Variants in TMPRSS13 observed in about 807,000 individuals in gnomAD.
The protein encoded by TMPRSS13 is transmembrane serine protease 13.
Under a neutral mutation model 68.4 loss-of-function variants are expected in TMPRSS13, and 50 were observed. The ratio of observed to expected loss-of-function variants is 0.73; its 90% CI spans 0.58 to 0.93. TMPRSS13 has a LOEUF of 0.93. Ranked by LOEUF, TMPRSS13 falls within the 40% of genes least tolerant of loss-of-function variation. The probability of loss-of-function intolerance (pLI) is 0.00; values close to 1 mark genes in which losing one functional copy is unlikely to be tolerated. For synonymous variants in TMPRSS13, 267 were observed against 285.8 expected, an observed-to-expected ratio of 0.93 and a Z score of 0.66; for missense variants, 615 against 729.2, an observed-to-expected ratio of 0.84 and a Z score of 1.80.
rs1405901953 is a variant in TMPRSS13 at position 117,909,909 on chromosome 11, T to C, written c.1006A>G (p.Lys336Glu). The C allele has an allele frequency of 1.2e-6, 2 of 1,614,196 alleles. No individual in the cohort carries two copies. The highest frequency in any genetic ancestry group is 1.7e-6 in the Non-Finnish European group (2 of 1,180,036). Reference protein sequence around the residue: ...IVGGALASDSKWPWQVSLHFG... With the variant: ...IVGGALASDSEWPWQVSLHFG... Reference sequence around the variant, plus strand: ...TGCAGACTCACTTGCCAAGGCCACTTGCTATCCGAGGCCAGCGCCCCTCCC... The same window carrying C: ...TGCAGACTCACTTGCCAAGGCCACTCGCTATCCGAGGCCAGCGCCCCTCCC... Residue 336 changes from lysine (K) to glutamate (E), a missense_variant, in exon 8 of 13, where the codon AAG becomes GAG. Transcript: ENST00000524993.
Position 117,909,850 on chromosome 11 carries a change from G to C in TMPRSS13, c.1065C>G (p.Leu355=), listed in dbSNP as rs377490191. The part of the protein sequence containing the change: ...FGTTHICGGT[L]IDAQWVLTAA... ...CAGTGAGCACCCACTGGGCGTCAAT[G>C]AGCGTGCCTCCACAGATGTGGGTGG... Residue 355 remains leucine (L), a synonymous_variant, in exon 8 of 13, where the codon CTC becomes CTG. Transcript: ENST00000524993. 2.5e-6 allele frequency: 4 copies of C among 1,613,554 alleles called. No homozygotes were observed. Among genetic ancestry groups the C allele is most frequent in the Admixed American group, 3.3e-5 (2 of 60,006 alleles).
Position 117,908,616 on chromosome 11 carries a change from C to A in TMPRSS13, c.1278G>T (p.Leu426=). The A allele has an allele frequency of 1.3e-6, 2 of 1,561,312 alleles. No homozygotes were observed. Among genetic ancestry groups the A allele is most frequent in the Non-Finnish European group, 1.7e-6 (2 of 1,152,926 alleles). The change falls in exon 9 of 13, where the codon CTG becomes CTT. Residue 426 remains leucine (L), a synonymous_variant. Coordinates refer to ENST00000524993, the MANE Select transcript of TMPRSS13 (RefSeq NM_001077263.3). ...GGGGAGTGCAGATTCCCTCACCGGA[C>A]AGGGTCAGGGGCTTGGACAGCCGCA... ...ALMRLSKPLT[L]SAHIHPACLP...
intron 1 of TMPRSS13, 74 bp downstream of exon 1, chr11:117,929,213 C>CA: frequency 7.4e-7 from 1 of 1,352,274 alleles, no homozygotes; most frequent in African/African-American, 1.5e-5. Flanking sequence ...GTAGCTGTCC[C>CA]ACCTGTCTCC....
chr11:117,927,903 T>C (rs570559272), intron 1 of TMPRSS13, among the ~76,000 whole-genome samples: 1 of 152,372 alleles, frequency 6.6e-6, no homozygotes, highest in South Asian at 2.1e-4. Context: ...CATAGATTAA[T>C]TGGGAGTTCC....
Position 117,908,578 on chromosome 11 carries a change from G to T in TMPRSS13, c.1282+34C>A, listed in dbSNP as rs1303977773. 1.9e-6 allele frequency: 3 copies of T among 1,546,692 alleles called. No individual in the cohort carries two copies. The South Asian group carries it at 3.6e-5, about 18-fold the overall frequency. On this transcript the variant is annotated intron_variant, in intron 9 of 12. Coordinates refer to ENST00000524993, the MANE Select transcript of TMPRSS13 (RefSeq NM_001077263.3). ...GGGCTGCAGAGGGTGCTGGGGCTGG[G>T]GGGCAGGAGAGCGGGGAGTGCAGAT...
chr11:117,923,173 C>T (rs943910901), intron 1 of TMPRSS13, among the ~76,000 whole-genome samples: 1 of 152,174 alleles, frequency 6.6e-6, no homozygotes, highest in African/African-American at 2.4e-5. Flanking sequence ...TGTGCTTTGC[C>T]CAAAGTTGTT....
rs1393850927 is a variant in TMPRSS13, at chr11:117,911,831, C to A, written c.839G>T (p.Arg280Met). The A allele has an allele frequency of 6.2e-7, 1 of 1,614,006 alleles. No individual in the cohort carries two copies. Reference sequence around the variant, plus strand: ...GATTGAGAAGCTGTTGGCAAAATCCCTGTGGGCAACCTCGGTTGTCCGGTG... The same window carrying A: ...GATTGAGAAGCTGTTGGCAAAATCCATGTGGGCAACCTCGGTTGTCCGGTG... ...SAHRTTEVAH[R>M]DFANSFSILR... is the part of the protein sequence containing the mutation. The change falls in exon 6 of 13, where the codon AGG (arginine) becomes ATG (methionine). Residue 280 changes from arginine (R) to methionine (M), a missense_variant. Physicochemically the swap from Arg to Met is moderately conservative, Grantham distance 91. Coordinates refer to ENST00000524993, the MANE Select transcript of TMPRSS13 (RefSeq NM_001077263.3).
At position 117,913,841 on chromosome 11, in the gene TMPRSS13, T is replaced by C; in HGVS notation, c.745A>G (p.Ile249Val). Residue 249 changes from isoleucine (I) to valine (V), a missense_variant, in exon 5 of 13, where the codon ATC (isoleucine) becomes GTC (valine). Coordinates refer to ENST00000524993, the MANE Select transcript of TMPRSS13 (RefSeq NM_001077263.3). ...YSGSSHQWLP[I>V]CSSNWNDSYS... ...GAGTCATTCCAGTTGCTGCTACAGA[T>C]GGGAAGCCACTGATGGGAGGACCCA... 1 of 1,614,078 alleles carries C rather than the reference T, an allele frequency of 6.2e-7. No homozygotes were observed. The highest frequency in any genetic ancestry group is 2.2e-5 in the East Asian group (1 of 44,884).
At chr11:117,910,648 C>G (rs1481573670) in intron 7 of TMPRSS13, 59 bp downstream of exon 7, 4 of 1,526,848 alleles carry the variant, frequency 2.6e-6, no homozygotes, top group Non-Finnish European at 3.6e-6. Context: ...GGAGTGCTGC[C>G]CCTCTGCCCT....
chr11:117,906,395 G>T (rs1012222343), intron 9 of TMPRSS13, among the ~76,000 whole-genome samples: 1 of 152,214 alleles, frequency 6.6e-6, no homozygotes, highest in Non-Finnish European at 1.5e-5. Flanking sequence ...TCCCTAGGGG[G>T]ACCAGGGCAT....
At chr11:117,928,781 G>A (rs557233982) in intron 1 of TMPRSS13, among the ~76,000 whole-genome samples, 10 of 152,298 alleles carry the variant, frequency 6.6e-5, no homozygotes, top group South Asian at 4.1e-4. Flanking sequence ...AGTGACCAAC[G>A]GAGGTTGAAA....
intron 1 of TMPRSS13, among the ~76,000 whole-genome samples, chr11:117,928,567 T>C (rs566477772): frequency 1.1e-3 from 168 of 152,274 alleles, no homozygotes; most frequent in African/African-American, 3.0e-3. Context: ...AGGGATTTCC[T>C]GGAGGAAAAG....
At chr11:117,909,668 A>T (rs2057500108) in intron 8 of TMPRSS13, 138 bp downstream of exon 8, 1 of 1,029,060 alleles carries the variant, frequency 9.7e-7, no homozygotes, top group African/African-American at 1.6e-5. Context: ...CACCCAAGCT[A>T]CACCAGTGCC....
At chr11:117,904,659 T>A (rs79347839) in intron 10 of TMPRSS13, among the ~76,000 whole-genome samples, 12,665 of 151,134 alleles carry the variant, frequency 0.084, 568 homozygotes, top group Middle Eastern at 0.14. Context: ...AACCATGGGG[T>A]CATCCTGCTC....
At chr11:117,909,533 G>C (rs911430522) in intron 8 of TMPRSS13, among the ~76,000 whole-genome samples, 1 of 152,212 alleles carries the variant, frequency 6.6e-6, no homozygotes, top group African/African-American at 2.4e-5. Flanking sequence ...TGTTCTTCAG[G>C]GGCAGGCTCC....
At position 117,900,917 on chromosome 11, in the gene TMPRSS13, C is replaced by A; in HGVS notation, c.*1322G>T. 6.6e-6 allele frequency: 1 copy of A among 152,452 alleles called. No individual in the cohort carries two copies. The highest frequency in any genetic ancestry group is 1.5e-5 in the Non-Finnish European group (1 of 68,158). The allele number at this position is 152,452 out of a possible 1,614,324, so 9.4% of individuals were successfully genotyped here. A position where few individuals can be genotyped will look rare whatever the true frequency, so the allele number is the denominator to read the frequency against. ...ACGGGCCCAAGGAAGGTGAGGGGAG[C>A]AGGACTGGCAGAGGAATAGGTGCCC... On this transcript the variant is annotated 3_prime_UTR_variant, in exon 13 of 13. Coordinates refer to ENST00000524993, the MANE Select transcript of TMPRSS13 (RefSeq NM_001077263.3).
At chr11:117,917,741 G>C (rs1037872423) in intron 2 of TMPRSS13, among the ~76,000 whole-genome samples, 11 of 152,306 alleles carry the variant, frequency 7.2e-5, no homozygotes, top group African/African-American at 2.2e-4. Flanking sequence ...CTGTGGGATG[G>C]GCCCCAAACT....
chr11:117,921,927 C>A (rs753805557), intron 1 of TMPRSS13, among the ~76,000 whole-genome samples: 8 of 152,128 alleles, frequency 5.3e-5, no homozygotes, highest in Non-Finnish European at 8.8e-5. Flanking sequence ...GTGAGGTCCC[C>A]GCTCCACCCC....
At chr11:117,929,236 TGCTTCCTCAGC>T in intron 1 of TMPRSS13, 40 bp downstream of exon 1, 2 of 1,545,622 alleles carry the variant, frequency 1.3e-6, no homozygotes, top group Non-Finnish European at 1.8e-6. Flanking sequence ...GCCTCAGCCC[TGCTTCCTCAGC>T]GCTGGGAGAA....
Sources: allele counts gnomAD v4.1 joint callset (sites outside exome capture counted in the v4.1 genomes callset), GRCh38; gene constraint gnomAD v4.1.1; transcripts MANE v1.5; gene names NCBI Gene and HGNC (gene_info 2026-07-23, HGNC 2026-07-21).